DSE: variants seen among roughly 807,000 people sequenced by gnomAD.
DSE encodes the protein dermatan-sulfate epimerase.
Under a neutral mutation model 84.4 loss-of-function variants are expected in DSE, and 36 were observed. The ratio of observed to expected loss-of-function variants is 0.43; its 90% CI spans 0.33 to 0.56. The LOEUF is 0.56. Among genes scored for constraint, DSE ranks in the 20% least tolerant of loss-of-function variants. DSE has a pLI of 0.06. For synonymous variants in DSE, 410 were observed against 430.1 expected (o/e 0.95, Z 0.58); for missense variants, 862 against 1,169.6 (o/e 0.74, Z 3.84).
At chr6:116,381,539 A>G (rs541195843) in intron 1 of DSE, among the ~76,000 whole-genome samples, 15 of 152,252 alleles carry the variant, frequency 9.9e-5, no homozygotes, top group East Asian at 9.7e-4. Flanking sequence ...TTCACATTCT[A>G]TGGGACCTTG....
chr6:116,288,161 G>T (rs553205878), intron 2 of DSE: 1 of 152,150 alleles, frequency 6.6e-6, no homozygotes, highest in Admixed American at 6.5e-5. Context: ...CTCACTAGCT[G>T]TTTGACTGGA....
At chr6:116,374,777 T>A (rs1779820368) in intron 1 of DSE, among the ~76,000 whole-genome samples, 1 of 152,070 alleles carries the variant, frequency 6.6e-6, no homozygotes, top group African/African-American at 2.4e-5. Context: ...CTCATTCCCG[T>A]GATTACCCAT....
chr6:116,288,713 A>G (rs1213498789), intron 2 of DSE, among the ~76,000 whole-genome samples: 1 of 152,126 alleles, frequency 6.6e-6, no homozygotes, highest in Admixed American at 6.6e-5. Flanking sequence ...ACTTATTAGC[A>G]ACATCTGACT....
At chr6:116,409,637 C>A (rs899545180) in intron 2 of DSE, among the ~76,000 whole-genome samples, 4 of 152,110 alleles carry the variant, frequency 2.6e-5, no homozygotes, top group Non-Finnish European at 4.4e-5. Context: ...ATTGGAGATA[C>A]AAAAATTTCA....
intron 2 of DSE, among the ~76,000 whole-genome samples, chr6:116,359,386 G>A (rs533804023): frequency 2.0e-5 from 3 of 151,990 alleles, no homozygotes; most frequent in South Asian, 2.1e-4. Flanking sequence ...TTTTTTTAAC[G>A]GTAGATTAGA....
In DSE at chr6:116,399,655, G is replaced by C; in HGVS notation, c.405G>C (p.Ala135=). The change falls in exon 2 of 6, where the codon GCG becomes GCC. Residue 135 remains alanine (A), a synonymous_variant. Coordinates refer to ENST00000644252, the MANE Select transcript of DSE (RefSeq NM_013352.4). The part of the protein sequence containing the change: ...MAKDYMERMA[A]QPSWLVKDAP... The stretch of plus-strand genomic sequence containing the variant: ...AAGACTACATGGAGAGGATGGCAGC[G>C]CAGCCTAGTTGGTAGATTTTTGTCT... 6.2e-7 allele frequency: 1 copy of C among 1,612,714 alleles called. No individual in the cohort carries two copies. Among genetic ancestry groups the C allele is most frequent in the Non-Finnish European group, 8.5e-7 (1 of 1,178,984 alleles).
intron 2 of DSE, chr6:116,279,511 C>A (rs753311261): frequency 5.6e-6 from 9 of 1,609,622 alleles, no homozygotes; most frequent in Non-Finnish European, 7.6e-6. Context: ...GGCTGCCAGG[C>A]CTTCGGCGGG....
chr6:116,271,982 C>T (rs983405581), intron 2 of DSE, among the ~76,000 whole-genome samples: 19 of 152,208 alleles, frequency 1.2e-4, no homozygotes, highest in Non-Finnish European at 1.8e-4. Context: ...CGTTACTCCC[C>T]TCAACCTTGA....
Position 116,436,836 on chromosome 6 carries a change from A to G in DSE, c.2368A>G (p.Ile790Val), listed in dbSNP as rs1341436696. 5.6e-6 allele frequency: 9 copies of G among 1,614,032 alleles called. No homozygotes were observed. The highest frequency in any genetic ancestry group is 7.6e-6 in the Non-Finnish European group (9 of 1,180,018). The stretch of plus-strand genomic sequence containing the variant: ...AGATAAGAGACAGACTGAGGAGGCC[A>G]TTGACAGGATTTTTGCCATATCACA... ...FSDKRQTEEA[I>V]DRIFAISQQQ... Residue 790 changes from isoleucine (I) to valine (V), a missense_variant, in exon 6 of 6, where the codon ATT becomes GTT. By Grantham distance (29) the Ile-to-Val change is conservative (BLOSUM62 3). Transcript: ENST00000644252.
chr6:116,427,221 A>G (rs1274814042), intron 3 of DSE, among the ~76,000 whole-genome samples: 1 of 152,260 alleles, frequency 6.6e-6, no homozygotes, highest in Non-Finnish European at 1.5e-5. Flanking sequence ...GATGTGAATC[A>G]TAACACCACT....
At chr6:116,279,801 G>T (rs1284677361) in intron 2 of DSE, 1 of 1,612,960 alleles carries the variant, frequency 6.2e-7, no homozygotes, top group East Asian at 2.2e-5. Context: ...GGAGGGGAGT[G>T]GTCCTCTTGA....
At chr6:116,346,534 A>G (rs919821235) in intron 2 of DSE, among the ~76,000 whole-genome samples, 2 of 152,218 alleles carry the variant, frequency 1.3e-5, no homozygotes, top group South Asian at 4.1e-4. Flanking sequence ...GATTATCTCA[A>G]TAGATGCAGA....
intron 2 of DSE, among the ~76,000 whole-genome samples, chr6:116,269,158 T>A (rs971186790): frequency 5.3e-5 from 8 of 152,140 alleles, no homozygotes; most frequent in Non-Finnish European, 1.0e-4. Flanking sequence ...ATCAAACAGA[T>A]CTGACGTCAA....
chr6:116,415,374 TTA>T (rs1462965937), intron 2 of DSE, among the ~76,000 whole-genome samples: 4 of 152,158 alleles, frequency 2.6e-5, no homozygotes, highest in Non-Finnish European at 5.9e-5. Context: ...AGGATCTTTT[TTA>T]TGTTACTAGT....
In DSE at chr6:116,430,934, C is replaced by T; in HGVS notation, c.671-20C>T. The T allele has an allele frequency of 6.2e-7, 1 of 1,610,732 alleles. No homozygotes were observed. Among genetic ancestry groups the T allele is most frequent in the Non-Finnish European group, 8.5e-7 (1 of 1,178,656 alleles). On this transcript the variant is annotated intron_variant, in intron 3 of 5. Coordinates refer to ENST00000644252, the MANE Select transcript of DSE (RefSeq NM_013352.4). ...TGTCACAGGCTTTAGTCATTGCTTC[C>T]ATGTGTTTTCATCCTTCAGGATATC...
At position 116,430,950 on chromosome 6, in the gene DSE, T is replaced by A; in HGVS notation, c.671-4T>A. ...CATTGCTTCCATGTGTTTTCATCCTTCAGGATATCTTCAAGAAGCCTACTT... is the reference window on the plus strand; with the variant it reads ...CATTGCTTCCATGTGTTTTCATCCTACAGGATATCTTCAAGAAGCCTACTT... On this transcript the variant is annotated splice_polypyrimidine_tract_variant and splice_region_variant and intron_variant, in intron 3 of 5. Coordinates refer to ENST00000644252, the MANE Select transcript of DSE (RefSeq NM_013352.4). The A allele has an allele frequency of 6.2e-7, 1 of 1,612,954 alleles. No homozygotes were observed. The highest frequency in any genetic ancestry group is 8.5e-7 in the Non-Finnish European group (1 of 1,179,892).
At chr6:116,332,694 C>G (rs1159243294) in intron 2 of DSE, among the ~76,000 whole-genome samples, 1 of 152,082 alleles carries the variant, frequency 6.6e-6, no homozygotes, top group African/African-American at 2.4e-5. Context: ...AAGGAAAAGA[C>G]TGATACTTAG....
chr6:116,417,048 G>A (rs1399332769), intron 2 of DSE, among the ~76,000 whole-genome samples: 1 of 152,088 alleles, frequency 6.6e-6, no homozygotes, highest in Non-Finnish European at 1.5e-5. Flanking sequence ...TTAAGAATTT[G>A]TCATTAGAAT....
Position 116,437,387 on chromosome 6 carries a change from A to C in DSE, c.*42A>C. On this transcript the variant is annotated 3_prime_UTR_variant, in exon 6 of 6. Transcript: ENST00000644252. ...TACCTGGTCATTTTGTGATCACAAGAGTCTATGCAAAAAAAAAAATTTCTT... is the reference window on the plus strand; with the variant it reads ...TACCTGGTCATTTTGTGATCACAAGCGTCTATGCAAAAAAAAAAATTTCTT... The C allele has an allele frequency of 6.9e-7, 1 of 1,450,310 alleles. No individual in the cohort carries two copies. Among genetic ancestry groups the C allele is most frequent in the Non-Finnish European group, 9.1e-7 (1 of 1,099,566 alleles). The allele number at this position is 1,450,310 out of a possible 1,614,324, so 89.8% of individuals were successfully genotyped here. A position where few individuals can be genotyped will look rare whatever the true frequency, so the allele number is the denominator to read the frequency against.
Sources: allele counts gnomAD v4.1 joint callset (sites outside exome capture counted in the v4.1 genomes callset), GRCh38; gene constraint gnomAD v4.1.1; transcripts MANE v1.5; gene names NCBI Gene and HGNC (gene_info 2026-07-23, HGNC 2026-07-21).